The following SLC7A9 variants were observed in gnomAD, a reference collection of about 807,000 sequenced individuals.
SLC7A9 encodes the protein solute carrier family 7 member 9, also known as B(0,+)-type amino acid transporter 1.
A neutral mutation model predicts 54.1 loss-of-function variants in SLC7A9; 38 were observed. That is an observed-to-expected ratio of 0.70 (90% confidence interval 0.54 to 0.92). SLC7A9 has a LOEUF of 0.92. SLC7A9 is among the 40% of genes least tolerant of loss of function. SLC7A9 has a pLI of 0.00. For missense variants in SLC7A9, 537 were observed against 636.1 expected, an observed-to-expected ratio of 0.84 and a Z score of 1.68; for synonymous variants, 264 against 258.9, an observed-to-expected ratio of 1.02 and a Z score of -0.19.
At chr19:32,859,721 G>T in intron 8 of SLC7A9, 120 bp downstream of exon 8, 1 of 917,786 alleles carries the variant, frequency 1.1e-6, no homozygotes, top group Non-Finnish European at 1.8e-6. Flanking sequence ...CCCAGTCCAT[G>T]TCCCCGTCCG....
intron 8 of SLC7A9, 99 bp from the exon 9 acceptor site, chr19:32,858,642 C>G: frequency 1.1e-6 from 1 of 875,602 alleles, no homozygotes; most frequent in Non-Finnish European, 1.8e-6. Flanking sequence ...ACCCAGGGAC[C>G]CACCTCGCCT....
intron 2 of SLC7A9, among the ~76,000 whole-genome samples, chr19:32,865,399 G>A (rs1968938309): frequency 6.6e-6 from 1 of 152,214 alleles, no homozygotes; most frequent in African/African-American, 2.4e-5. Flanking sequence ...GAACTCCTGG[G>A]CTCAAACAAT....
chr19:32,862,345 C>T (rs1315008441), intron 5 of SLC7A9, 116 bp downstream of exon 5: 5 of 1,498,848 alleles, frequency 3.3e-6, no homozygotes, highest in Non-Finnish European at 4.6e-6. Context: ...GGATCCCTCC[C>T]ACCGAGTTCC....
In SLC7A9 at chr19:32,859,786, CT is replaced by C. The variant is rs1968738833; in HGVS notation, c.873+54del. 2.1e-6 allele frequency: 3 copies of C among 1,453,274 alleles called. No homozygotes were observed. The East Asian group carries it at 6.8e-5, about 33-fold the overall frequency. 90.0% of individuals were successfully genotyped at this position (1,453,274 alleles called of 1,614,324 possible). On this transcript the variant is annotated intron_variant, in intron 8 of 12. Coordinates refer to ENST00000023064, the MANE Select transcript of SLC7A9 (RefSeq NM_014270.5). ...GCTCACCTCCAGTGCTGACACCTGC[CT>C]TACCCCTTCCCACAAGCCACAGCCC...
intron 9 of SLC7A9, among the ~76,000 whole-genome samples, chr19:32,845,894 C>T (rs1968275788): frequency 6.6e-6 from 1 of 151,740 alleles, no homozygotes. Context: ...ATCCCATCTA[C>T]TTGGGAGGCT....
chr19:32,834,643 TA>T (rs1967903885), intron 11 of SLC7A9, among the ~76,000 whole-genome samples: 1 of 151,800 alleles, frequency 6.6e-6, no homozygotes, highest in Non-Finnish European at 1.5e-5. Flanking sequence ...ATAAAGACCA[TA>T]ACCTGGGTGA....
In SLC7A9 at chr19:32,868,470, T is replaced by C. The variant is rs769124032; in HGVS notation, c.65A>G (p.Lys22Arg). 1 of 1,614,046 alleles carries C rather than the reference T, an allele frequency of 6.2e-7. No homozygotes were observed. The highest frequency in any genetic ancestry group is 8.5e-7 in the Non-Finnish European group (1 of 1,179,978). ...TACCTCCTTTTGGAGACTGGTGGTC[T>C]TAGGCTCTTGGCTCTGGATCGACTT... Reference protein sequence around the residue: ...DEKSIQSQEPKTTSLQKELGL... With the variant: ...DEKSIQSQEPRTTSLQKELGL... The change falls in exon 2 of 13, where the codon AAG becomes AGG. Residue 22 changes from lysine to arginine, a missense_variant. Physicochemically the swap from Lys to Arg is conservative, Grantham distance 26 (BLOSUM62 2). Coordinates refer to ENST00000023064, the MANE Select transcript of SLC7A9 (RefSeq NM_014270.5).
At chr19:32,851,462 C>T (rs1480071990) in intron 9 of SLC7A9, among the ~76,000 whole-genome samples, 2 of 150,876 alleles carry the variant, frequency 1.3e-5, no homozygotes, top group Non-Finnish European at 3.0e-5. Context: ...AAATCAAAAC[C>T]ACAATGAGAT....
intron 9 of SLC7A9, among the ~76,000 whole-genome samples, chr19:32,855,508 G>A (rs1475433858): frequency 1.3e-5 from 2 of 152,010 alleles, no homozygotes; most frequent in Admixed American, 1.3e-4. Flanking sequence ...GACCATCCTG[G>A]CAAACACGGT....
At chr19:32,863,751 C>T (rs1968875976) in intron 4 of SLC7A9, among the ~76,000 whole-genome samples, 2 of 152,326 alleles carry the variant, frequency 1.3e-5, no homozygotes, top group Admixed American at 6.5e-5. Context: ...TTTAAAAGAA[C>T]CTGGAGATGA....
chr19:32,868,968 G>A (rs917201675), intron 1 of SLC7A9, among the ~76,000 whole-genome samples: 7 of 151,678 alleles, frequency 4.6e-5, no homozygotes, highest in Non-Finnish European at 7.4e-5. Context: ...CAGCACTTTC[G>A]GAGGCCGAGG....
chr19:32,861,653 T>C (rs999672946), intron 6 of SLC7A9, among the ~76,000 whole-genome samples: 2 of 151,800 alleles, frequency 1.3e-5, no homozygotes, highest in African/African-American at 4.8e-5. Flanking sequence ...CTACAAAGCA[T>C]AAAAATAAAA....
chr19:32,833,467 T>G, intron 11 of SLC7A9, 144 bp from the exon 12 acceptor site: 1 of 887,030 alleles, frequency 1.1e-6, no homozygotes, highest in Non-Finnish European at 1.8e-6. Flanking sequence ...GCCAATCTTA[T>G]TTCATCTATA....
chr19:32,864,509 C>T (rs1968904620), intron 3 of SLC7A9, 120 bp downstream of exon 3: 2 of 1,528,096 alleles, frequency 1.3e-6, no homozygotes, highest in African/African-American at 1.4e-5. Context: ...CTGATTTACA[C>T]CTGTTTGCCA....
At chr19:32,836,223 A>G (rs1967956111) in intron 11 of SLC7A9, among the ~76,000 whole-genome samples, 1 of 151,528 alleles carries the variant, frequency 6.6e-6, no homozygotes, top group Non-Finnish European at 1.5e-5. Context: ...TAATTTTTGT[A>G]TTTTTAGTAG....
intron 6 of SLC7A9, 24 bp from the exon 7 acceptor site, chr19:32,860,674 G>T: frequency 1.9e-6 from 3 of 1,613,862 alleles, no homozygotes; most frequent in South Asian, 2.2e-5. Flanking sequence ...AGTAACAAGC[G>T]TCACACACCT....
chr19:32,845,266 A>T (rs1968253606), intron 9 of SLC7A9, among the ~76,000 whole-genome samples: 1 of 152,154 alleles, frequency 6.6e-6, no homozygotes, highest in South Asian at 2.1e-4. Flanking sequence ...AGGCCGAGAC[A>T]GGTGGACTGC....
intron 9 of SLC7A9, among the ~76,000 whole-genome samples, chr19:32,846,763 A>C (rs149203042): frequency 0.11 from 17,268 of 152,042 alleles, 1,100 homozygotes; most frequent in Middle Eastern, 0.16. Context: ...CTGGGAGGCA[A>C]CCCCCCAGTA....
Position 32,864,274 on chromosome 19 carries a change from C to T in SLC7A9, c.300G>A (p.Leu100=). ...ITKSGGEYPY[L]MEAYGPIPAY... ...CGGGGATGGGCCCGTAGGCCTCCAT[C>T]AGGTAGGGATACTCTCCCCCTGACT... The change falls in exon 4 of 13, where the codon CTG becomes CTA. Residue 100 remains leucine (L), a synonymous_variant. Transcript: ENST00000023064. 1 of 1,614,132 alleles carries T rather than the reference C, an allele frequency of 6.2e-7. No homozygotes were observed.
Sources: gnomAD v4.1 joint callset for allele counts (sites outside exome capture counted in the v4.1 genomes callset) on GRCh38, gnomAD v4.1.1 for gene constraint, MANE v1.5 for transcripts, NCBI Gene and HGNC (gene_info 2026-07-23, HGNC 2026-07-21) for gene names.